Variants in CACNA1B observed in about 807,000 individuals in gnomAD.
CACNA1B encodes the protein calcium voltage-gated channel subunit alpha1 B.
CACNA1B carries 70 observed loss-of-function variants against 247.2 expected under a neutral mutation model. The ratio of observed to expected loss-of-function variants is 0.28; its 90% CI spans 0.23 to 0.35. The LOEUF (loss-of-function observed/expected upper bound fraction) is 0.35, where lower values mean the gene tolerates loss of function less well. Ranked by LOEUF, CACNA1B falls within the 10% of genes least tolerant of loss-of-function variation. The probability of loss-of-function intolerance (pLI) is 1.00; values close to 1 mark genes in which losing one functional copy is unlikely to be tolerated. For synonymous variants in CACNA1B, 1,231 were observed against 1,294.4 expected, an observed-to-expected ratio of 0.95 and a Z score of 1.05; for missense variants, 2,367 against 3,197.4, an observed-to-expected ratio of 0.74 and a Z score of 6.26.
intron 6 of CACNA1B, among the ~76,000 whole-genome samples, chr9:137,932,882 G>A (rs1300460971): frequency 6.6e-6 from 1 of 152,072 alleles, no homozygotes; most frequent in Non-Finnish European, 1.5e-5. Flanking sequence ...CTTCCAGGGT[G>A]TAGTTGCATT....
At chr9:138,079,344 G>A (rs1960438450) in intron 36 of CACNA1B, among the ~76,000 whole-genome samples, 1 of 152,172 alleles carries the variant, frequency 6.6e-6, no homozygotes, top group African/African-American at 2.4e-5. Flanking sequence ...CAGAAACTGA[G>A]GTGGAGCAGT....
rs781428856 is a variant in CACNA1B, at chr9:138,023,276, G to A, written c.2533G>A (p.Val845Ile). 30 of 1,516,240 alleles carry A rather than the reference G, an allele frequency of 2.0e-5. No individual in the cohort carries two copies. The highest frequency in any genetic ancestry group is 2.4e-5 in the South Asian group (2 of 81,732). 93.9% of individuals were successfully genotyped at this position (1,516,240 alleles called of 1,614,324 possible). ...TGAGGCTGCGGAGGCCCCCGAGGGCGTCGACCCTCCGCGCAGGCACCACCG... is the reference window on the plus strand; with the variant it reads ...TGAGGCTGCGGAGGCCCCCGAGGGCATCGACCCTCCGCGCAGGCACCACCG... ...RPEAAEAPEG[V>I]DPPRRHHRHR... is the part of the protein sequence containing the mutation. Residue 845 changes from valine (V) to isoleucine (I), a missense_variant, in exon 19 of 47, where the codon GTC (valine) becomes ATC (isoleucine). This residue lies in a region of CACNA1B where 631 missense variants were observed against 631.1 expected (regional missense o/e 1.00). Coordinates refer to ENST00000371372, the MANE Select transcript of CACNA1B (RefSeq NM_000718.4).
rs201422982 is a variant in CACNA1B, at chr9:138,058,295, G to A, written c.4308+45G>A. 6.8e-7 allele frequency: 1 copy of A among 1,467,502 alleles called. No homozygotes were observed. 90.9% of individuals were successfully genotyped at this position (1,467,502 alleles called of 1,614,324 possible). On this transcript the variant is annotated intron_variant, in intron 28 of 46. Transcript: ENST00000371372. The surrounding 1 kb of genome is among the most constrained non-coding windows in gnomAD (Gnocchi z 4.7). ...AGTCTTGCAGTGGACAGCGTGGGCA[G>A]CGCCATCAGGCTTCCCTCCTGCACA...
chr9:138,007,018 A>T lies in CACNA1B; in HGVS notation c.2092+134A>T. 1 of 575,750 alleles carries T rather than the reference A, an allele frequency of 1.7e-6. No homozygotes were observed. Among genetic ancestry groups the T allele is most frequent in the Non-Finnish European group, 3.3e-6 (1 of 307,468 alleles). 35.7% of individuals were successfully genotyped at this position (575,750 alleles called of 1,614,324 possible). ...GGTGCATTCTCAGAGCTGAGTGCAG[A>T]TGGAGAACATTCTGCAGGTGGCCGG... On this transcript the variant is annotated intron_variant, in intron 16 of 46. Transcript: ENST00000371372. This position sits in a 1 kb window ranked among gnomAD's most constrained non-coding sequence, Gnocchi z 4.1.
Position 137,975,950 on chromosome 9 carries a change from G to A in CACNA1B, c.1587G>A (p.Met529Ile), listed in dbSNP as rs1958214870. The change falls in exon 12 of 47, where the codon ATG becomes ATA. Residue 529 changes from methionine to isoleucine, a missense_variant. By Grantham distance (10) the Met-to-Ile change is conservative. This residue lies in a region of CACNA1B where 219 missense variants were observed against 297.6 expected (regional missense o/e 0.74). Coordinates refer to ENST00000371372, the MANE Select transcript of CACNA1B (RefSeq NM_000718.4). ...FVFLGLFLTE[M>I]SLKMYGLGPR... ...TCCTGGGTCTCTTCCTCACAGAGAT[G>A]TCCCTGAAGATGTATGGCCTGGGGC... is the stretch of plus-strand genomic sequence containing the variant. 6.2e-7 allele frequency: 1 copy of A among 1,613,734 alleles called. No individual in the cohort carries two copies. The highest frequency in any genetic ancestry group is 1.1e-5 in the South Asian group (1 of 91,064).
chr9:138,119,600 T>G (rs1248429948), intron 44 of CACNA1B, among the ~76,000 whole-genome samples: 1 of 152,130 alleles, frequency 6.6e-6, no homozygotes, highest in Non-Finnish European at 1.5e-5. Flanking sequence ...CTCCTCCCTC[T>G]TAGGGTTTTC....
At chr9:138,116,772 T>A (rs965091381) in intron 42 of CACNA1B, among the ~76,000 whole-genome samples, 2 of 152,164 alleles carry the variant, frequency 1.3e-5, no homozygotes, top group South Asian at 4.1e-4. Flanking sequence ...GGGTTAGCGG[T>A]GCATTAGGAG....
rs184522402 is a variant in CACNA1B at position 138,060,874 on chromosome 9, C to A, written c.4668+1137C>A. ...CTGGTGTTCATCATCCCGTTCCCCC[C>A]ACCCTTTCTAGAGCCCCTGAGCTGA... On this transcript the variant is annotated intron_variant, in intron 31 of 46. Coordinates refer to ENST00000371372, the MANE Select transcript of CACNA1B (RefSeq NM_000718.4). 1.1e-4 allele frequency among the ~76,000 whole-genome samples: 17 copies of A among 152,268 alleles called. No individual in the cohort carries two copies. In the East Asian group the frequency reaches 3.1e-3, roughly 28 times the overall value.
At chr9:138,063,449 G>T (rs965562814) in intron 31 of CACNA1B, among the ~76,000 whole-genome samples, 4 of 152,186 alleles carry the variant, frequency 2.6e-5, no homozygotes, top group African/African-American at 7.2e-5. Context: ...AGCTATGATC[G>T]CACCACTGCA....
chr9:138,088,185 A>G (rs1960762895), intron 36 of CACNA1B, among the ~76,000 whole-genome samples: 1 of 152,100 alleles, frequency 6.6e-6, no homozygotes, highest in South Asian at 2.1e-4. Flanking sequence ...CCTGGCCAAC[A>G]TGGTGAAACC....
Position 138,023,476 on chromosome 9 carries a change from C to T in CACNA1B, c.2733C>T (p.Gly911=). The T allele has an allele frequency of 8.6e-7, 1 of 1,160,944 alleles. No homozygotes were observed. The highest frequency in any genetic ancestry group is 4.1e-5 in the East Asian group (1 of 24,216). 71.9% of individuals were successfully genotyped at this position (1,160,944 alleles called of 1,614,324 possible). The part of the protein sequence containing the change: ...EARSERGRGP[G]PEGGRRHHRR... ...GGAGCGAGCGCGGCCGAGGCCCAGG[C>T]CCCGAGGGCGGCCGGCGGCACCACC... Residue 911 remains glycine (G), a synonymous_variant, in exon 19 of 47, where the codon GGC becomes GGT. Coordinates refer to ENST00000371372, the MANE Select transcript of CACNA1B (RefSeq NM_000718.4).
chr9:138,103,604 C>T (rs781136483), intron 38 of CACNA1B, among the ~76,000 whole-genome samples: 6 of 152,188 alleles, frequency 3.9e-5, no homozygotes, highest in Non-Finnish European at 7.4e-5. Flanking sequence ...CAGCTGTCCC[C>T]AGTCCCACCT....
intron 20 of CACNA1B, chr9:138,040,494 A>ATG (rs201801578): frequency 0.011 from 3,265 of 290,056 alleles, 35 homozygotes; most frequent in Non-Finnish European, 0.017. Flanking sequence ...ATATATATAT[A>ATG]TAAATGATAT....
At chr9:137,959,227 C>T (rs570170350) in intron 10 of CACNA1B, among the ~76,000 whole-genome samples, 9 of 152,240 alleles carry the variant, frequency 5.9e-5, no homozygotes, top group African/African-American at 2.2e-4. Flanking sequence ...CATGCACCAA[C>T]TGCCCAGCTA....
At chr9:138,024,062 G>A (rs1400607570) in intron 19 of CACNA1B, among the ~76,000 whole-genome samples, 1 of 152,248 alleles carries the variant, frequency 6.6e-6, no homozygotes, top group Non-Finnish European at 1.5e-5. Flanking sequence ...CAGAGTGTTT[G>A]TGCTCCGTGA....
chr9:137,900,310 T>A (rs1308137573), intron 3 of CACNA1B, among the ~76,000 whole-genome samples: 1 of 152,174 alleles, frequency 6.6e-6, no homozygotes, highest in Admixed American at 6.5e-5. Context: ...AGAAGAAGCC[T>A]GCAGCAGTGT....
At position 138,050,185 on chromosome 9, in the gene CACNA1B, A is replaced by C; in HGVS notation, c.3710+870A>C. On this transcript the variant is annotated intron_variant, in intron 24 of 46. Transcript: ENST00000371372. This position sits in a 1 kb window ranked among gnomAD's most constrained non-coding sequence, Gnocchi z 5.2. ...CTCCAGCCTCACCCCCCGCCCATCC[A>C]CTTTCACCCCATCGGGGCTGCATGC... 2 of 891,960 alleles carry C rather than the reference A, an allele frequency of 2.2e-6. No homozygotes were observed. The highest frequency in any genetic ancestry group is 3.2e-6 in the Non-Finnish European group (2 of 627,072). 55.3% of individuals were successfully genotyped at this position (891,960 alleles called of 1,614,324 possible).
Position 138,118,759 on chromosome 9 carries a change from C to T in CACNA1B, c.6021C>T (p.Ala2007=), listed in dbSNP as rs539576462. ...GRAASMPRLA[A]ETQPVTDASP... is the part of the protein sequence containing the mutation. The stretch of plus-strand genomic sequence containing the variant: ...CGGCCTCCATGCCCCGCCTTGCGGC[C>T]GAGACTCAGGTAGGTGGTCTGGGAG... The change falls in exon 44 of 47, where the codon GCC becomes GCT. Residue 2007 remains alanine, a synonymous_variant. Transcript: ENST00000371372. 37 of 1,490,042 alleles carry T rather than the reference C, an allele frequency of 2.5e-5. No individual in the cohort carries two copies. Among genetic ancestry groups the T allele is most frequent in the Admixed American group, 1.8e-4 (9 of 50,104 alleles). 92.3% of individuals were successfully genotyped at this position (1,490,042 alleles called of 1,614,324 possible).
intron 13 of CACNA1B, among the ~76,000 whole-genome samples, chr9:137,985,285 G>A (rs985855737): frequency 2.6e-5 from 4 of 152,176 alleles, no homozygotes; most frequent in Non-Finnish European, 4.4e-5. Flanking sequence ...GTTGAGTCCC[G>A]CTGGGTCCAT....
Sources: allele counts gnomAD v4.1 joint callset (sites outside exome capture counted in the v4.1 genomes callset), GRCh38; gene constraint gnomAD v4.1.1; regional missense constraint gnomAD v4.1.1; non-coding constraint Gnocchi (gnomAD v3.1); transcripts MANE v1.5; gene names NCBI Gene and HGNC (gene_info 2026-07-23, HGNC 2026-07-21).